The following TRIM49 variants were observed in gnomAD, a reference collection of about 807,000 sequenced individuals.
TRIM49 encodes the protein tripartite motif-containing protein 49.
TRIM49 carries 5 observed loss-of-function variants against 27.4 expected under a neutral mutation model. That is an observed-to-expected ratio of 0.18 (90% CI 0.10 to 0.38). TRIM49 has a LOEUF of 0.38. Among genes scored for constraint, TRIM49 ranks in the 10% least tolerant of loss-of-function variants. The pLI, the probability that TRIM49 is intolerant of heterozygous loss-of-function variation, is 1.00. For synonymous variants in TRIM49, 69 were observed against 166.0 expected (o/e 0.42, Z 4.49); for missense variants, 188 against 487.5 (o/e 0.39, Z 5.79).
downstream of TRIM49, among the ~76,000 whole-genome samples, chr11:89,794,465 T>A (rs1949675185): frequency 6.6e-6 from 1 of 151,350 alleles, no homozygotes; most frequent in Non-Finnish European, 1.5e-5. Context: ...GCTGGAGGCA[T>A]CACACTACTT....
chr11:89,782,010 C>T, the TRIM49 span: 1 of 1,527,366 alleles, frequency 6.5e-7, no homozygotes, highest in Non-Finnish European at 8.8e-7. Flanking sequence ...GACAGCTTTG[C>T]TGTGTGGGGA....
At chr11:89,793,132 C>G (rs1242977414), downstream of TRIM49, among the ~76,000 whole-genome samples, 1 of 152,170 alleles carries the variant, frequency 6.6e-6, no homozygotes, top group African/African-American at 2.4e-5. Context: ...TGCAAATAAA[C>G]TAGAAAATCT....
the TRIM49 span, among the ~76,000 whole-genome samples, chr11:89,770,532 T>C: frequency 2.8e-5 from 4 of 142,446 alleles, no homozygotes; most frequent in African/African-American, 1.2e-4. Flanking sequence ...CCAAATATAT[T>C]CTATACTATG....
chr11:89,784,721 C>T, the TRIM49 span, among the ~76,000 whole-genome samples: 1 of 143,410 alleles, frequency 7.0e-6, no homozygotes, highest in Non-Finnish European at 1.5e-5. Context: ...ATTATTTGTT[C>T]CTAGTTTTCA....
Position 89,804,244 on chromosome 11 carries a change from G to A in TRIM49, c.226C>T (p.Leu76Phe), listed in dbSNP as rs1245407700. ...AGCCAGAGACTGACTTTTCTGGCAA[G>A]AGAAGCCATCTTCTTCAAATGAATG... ...TNIHLKKMAS[L>F]ARKVSLWLFL... The change falls in exon 3 of 8, where the codon CTT (leucine) becomes TTT (phenylalanine). Residue 76 changes from leucine to phenylalanine, a missense_variant. Transcript: ENST00000329758. The A allele has an allele frequency of 6.2e-7, 1 of 1,611,362 alleles. No homozygotes were observed. Among genetic ancestry groups the A allele is most frequent in the Non-Finnish European group, 8.5e-7 (1 of 1,179,178 alleles).
the TRIM49 span, among the ~76,000 whole-genome samples, chr11:89,767,903 A>G: frequency 7.3e-6 from 1 of 137,276 alleles, no homozygotes; most frequent in African/African-American, 3.3e-5. Context: ...TCATGTAATA[A>G]TTGTATACAT....
At chr11:89,767,648 G>C in the TRIM49 span, among the ~76,000 whole-genome samples, 1 of 124,880 alleles carries the variant, frequency 8.0e-6, no homozygotes, top group Non-Finnish European at 1.5e-5. Context: ...ATCTATCCTG[G>C]AGTTCTATCT....
At chr11:89,792,961 T>C (rs1447197050), downstream of TRIM49, among the ~76,000 whole-genome samples, 2 of 152,096 alleles carry the variant, frequency 1.3e-5, no homozygotes, top group African/African-American at 2.4e-5. Flanking sequence ...CAGGAGCTGG[T>C]TTTTTGAAAA....
the TRIM49 span, chr11:89,777,885 TTCA>T: frequency 1.8e-6 from 1 of 541,758 alleles, no homozygotes; most frequent in East Asian, 3.3e-5. Context: ...ATCTACTGTC[TTCA>T]TCATTGCTAA....
the TRIM49 span, among the ~76,000 whole-genome samples, chr11:89,770,325 A>G: frequency 1.3e-3 from 170 of 129,400 alleles, 21 homozygotes; most frequent in African/African-American, 5.3e-3. Flanking sequence ...TCTGGCTTCA[A>G]TTTTCTGTAT....
At chr11:89,804,947 C>A (rs796632854) in intron 2 of TRIM49, among the ~76,000 whole-genome samples, 146 of 150,738 alleles carry the variant, frequency 9.7e-4, no homozygotes, top group Non-Finnish European at 1.6e-3. Context: ...TCACAAAAGC[C>A]GGGCAGCAAA....
At chr11:89,805,113 A>T (rs555766300) in intron 2 of TRIM49, among the ~76,000 whole-genome samples, 98 of 151,966 alleles carry the variant, frequency 6.4e-4, no homozygotes, top group Admixed American at 1.4e-3. Flanking sequence ...GACTGCAATT[A>T]AACTAATCAA....
rs1352991660 is a variant in TRIM49, at chr11:89,807,387, C to A, written c.-190-103G>T. The A allele has an allele frequency of 1.3e-5, 2 of 151,596 alleles. 1 individual carries two copies. 9.4% of individuals were successfully genotyped at this position (151,596 alleles called of 1,614,324 possible). ...CAGTATTTAGAACACACCTTTGCAG[C>A]TCTGATTAAATTATCATCACACTTT... On this transcript the variant is annotated intron_variant, in intron 1 of 7. Coordinates refer to ENST00000329758, the MANE Select transcript of TRIM49 (RefSeq NM_020358.2).
chr11:89,805,728 T>C (rs1374584551), intron 2 of TRIM49, among the ~76,000 whole-genome samples: 1 of 149,940 alleles, frequency 6.7e-6, no homozygotes, highest in East Asian at 1.9e-4. Context: ...TTTTTGTTTT[T>C]TTTTTTTGAG....
rs2063896269 is a variant in TRIM49 at position 89,798,347 on chromosome 11, C to G, written c.1142G>C (p.Gly381Ala). The G allele has an allele frequency of 2.5e-6, 4 of 1,573,760 alleles. No homozygotes were observed. Among genetic ancestry groups the G allele is most frequent in the Non-Finnish European group, 3.4e-6 (4 of 1,163,682 alleles). The change falls in exon 8 of 8, where the codon GGG becomes GCG. Residue 381 changes from glycine to alanine, a missense_variant. Coordinates refer to ENST00000329758, the MANE Select transcript of TRIM49 (RefSeq NM_020358.2). ...IDGKAGLFLLGCVKNDIQCSL... is the reference protein window; with the variant it reads ...IDGKAGLFLLACVKNDIQCSL... ...GCATTGAATGTCATTCTTAACACAC[C>G]CAAGAAGAAAGAGTCCCGCCTTTCC...
downstream of TRIM49, among the ~76,000 whole-genome samples, chr11:89,793,166 T>C (rs1257970320): frequency 2.0e-5 from 3 of 152,018 alleles, no homozygotes; most frequent in African/African-American, 7.3e-5. Context: ...ACATACACTC[T>C]CCCAAGACTA....
chr11:89,803,690 G>T lies in TRIM49; in HGVS notation c.507+8C>A, dbSNP rs559431975. ...TTCCTGGAGAAGGTAGAGTAGTACAGGACTAACCTTCCAGCATCTGGTTCT... is the reference window on the plus strand; with the variant it reads ...TTCCTGGAGAAGGTAGAGTAGTACATGACTAACCTTCCAGCATCTGGTTCT... On this transcript the variant is annotated splice_region_variant and intron_variant, in intron 4 of 7. Transcript: ENST00000329758. The T allele has an allele frequency of 8.9e-7, 1 of 1,129,054 alleles. No individual in the cohort carries two copies. Among genetic ancestry groups the T allele is most frequent in the South Asian group, 1.6e-5 (1 of 63,852 alleles). 69.9% of individuals were successfully genotyped at this position (1,129,054 alleles called of 1,614,324 possible). A position where few individuals can be genotyped will look rare whatever the true frequency, so the allele number is the denominator to read the frequency against.
chr11:89,773,820 C>A, the TRIM49 span, among the ~76,000 whole-genome samples: 1 of 133,604 alleles, frequency 7.5e-6, no homozygotes, highest in Non-Finnish European at 1.5e-5. Context: ...TGCCTGTAAT[C>A]CCAGCTACTT....
chr11:89,776,056 C>T, the TRIM49 span, among the ~76,000 whole-genome samples: 1 of 130,102 alleles, frequency 7.7e-6, no homozygotes, highest in Non-Finnish European at 1.6e-5. Context: ...ATCATCCCAG[C>T]TTTTACCCTC....
Sources: gnomAD v4.1 joint callset for allele counts (sites outside exome capture counted in the v4.1 genomes callset) on GRCh38, gnomAD v4.1.1 for gene constraint, MANE v1.5 for transcripts, NCBI Gene and HGNC (gene_info 2026-07-23, HGNC 2026-07-21) for gene names.